ZDHHC11B: variants seen among roughly 807,000 people sequenced by gnomAD.
ZDHHC11B encodes zDHHC palmitoyltransferase 11B (putative).
ZDHHC11B carries 17 observed loss-of-function variants against 42.3 expected under a neutral mutation model. The observed-to-expected ratio is 0.40, with a 90% CI of 0.27 to 0.60. ZDHHC11B has a LOEUF of 0.60. ZDHHC11B is among the 20% of genes least tolerant of loss of function. ZDHHC11B has a pLI of 0.41. For missense variants in ZDHHC11B, 262 were observed against 463.2 expected, an observed-to-expected ratio of 0.57 and a Z score of 3.99; for synonymous variants, 123 against 193.5, an observed-to-expected ratio of 0.64 and a Z score of 3.02.
At chr5:774,959 C>T (rs766190297) in intron 1 of ZDHHC11B, among the ~76,000 whole-genome samples, 112 of 152,104 alleles carry the variant, frequency 7.4e-4, no homozygotes, top group Non-Finnish European at 1.4e-3. Flanking sequence ...GGTGGCTGAG[C>T]CTTGCTGGCA....
Position 766,755 on chromosome 5 carries a change from G to A in ZDHHC11B, c.165C>T (p.Ala55=), listed in dbSNP as rs1735454999. 2 of 1,612,340 alleles carry A rather than the reference G, an allele frequency of 1.2e-6. No individual in the cohort carries two copies. Among genetic ancestry groups the A allele is most frequent in the East Asian group, 2.2e-5 (1 of 44,848 alleles). The change falls in exon 4 of 14, where the codon GCC becomes GCT. Residue 55 remains alanine (A), a synonymous_variant. Coordinates refer to ENST00000508859, the MANE Select transcript of ZDHHC11B (RefSeq NM_001351303.2). ...GGAGGGGAATGAAGATCCTGAAGGT[G>A]GCCAAGGAAAGGCCAACGAAGACAG... ...TWAVFVGLSL[A]TFRIFIPLLP... is the part of the protein sequence containing the mutation.
chr5:764,829 G>T (rs1735067631), intron 4 of ZDHHC11B, among the ~76,000 whole-genome samples: 1 of 151,900 alleles, frequency 6.6e-6, no homozygotes, highest in Non-Finnish European at 1.5e-5. Flanking sequence ...CCTGAGTCTA[G>T]TGGGGACTTG....
At chr5:776,963 G>A (rs1173113572) in intron 1 of ZDHHC11B, among the ~76,000 whole-genome samples, 1 of 151,922 alleles carries the variant, frequency 6.6e-6, no homozygotes, top group Admixed American at 6.6e-5. Context: ...GGCAGGCAGA[G>A]CTCCCAATCA....
chr5:776,724 C>A (rs1278633875), intron 1 of ZDHHC11B, among the ~76,000 whole-genome samples: 1 of 151,980 alleles, frequency 6.6e-6, no homozygotes, highest in Non-Finnish European at 1.5e-5. Flanking sequence ...CACCAAGGGG[C>A]CTTCTAGGAC....
At chr5:754,523 G>T (rs1326821586) in intron 6 of ZDHHC11B, among the ~76,000 whole-genome samples, 425 of 125,084 alleles carry the variant, frequency 3.4e-3, no homozygotes, top group Middle Eastern at 9.3e-3. Context: ...CCGTGCTCAG[G>T]GGAAACACCT....
At chr5:778,178 C>A (rs193122086) in intron 1 of ZDHHC11B, among the ~76,000 whole-genome samples, 1 of 151,794 alleles carries the variant, frequency 6.6e-6, no homozygotes, top group Non-Finnish European at 1.5e-5. Flanking sequence ...CCAGCCAGTG[C>A]CCACCACCCG....
chr5:744,944 G>A (rs1007693301), intron 9 of ZDHHC11B, among the ~76,000 whole-genome samples: 3 of 147,382 alleles, frequency 2.0e-5, no homozygotes, highest in African/African-American at 7.4e-5. Flanking sequence ...ATGTCCAGGA[G>A]ACTCAGTTCC....
intron 10 of ZDHHC11B, among the ~76,000 whole-genome samples, chr5:736,056 T>C (rs1743479352): frequency 6.7e-6 from 1 of 149,466 alleles, no homozygotes; most frequent in East Asian, 2.0e-4. Context: ...CAACCAAGTA[T>C]CTGCTGTCTT....
chr5:722,373 C>T (rs1742255211), intron 12 of ZDHHC11B, among the ~76,000 whole-genome samples: 2 of 151,420 alleles, frequency 1.3e-5, no homozygotes, highest in African/African-American at 2.4e-5. Context: ...CACAAAGAGT[C>T]CAGTGGAAAA....
intron 10 of ZDHHC11B, among the ~76,000 whole-genome samples, chr5:737,524 C>T (rs1743673920): frequency 6.7e-6 from 1 of 149,222 alleles, no homozygotes; most frequent in African/African-American, 2.5e-5. Context: ...ACCAATATCC[C>T]TCATGAATAT....
chr5:778,526 C>G (rs1249224203), intron 1 of ZDHHC11B, among the ~76,000 whole-genome samples: 10 of 151,466 alleles, frequency 6.6e-5, no homozygotes, highest in African/African-American at 2.4e-4. Flanking sequence ...CACTGAGTGC[C>G]AGACTCACGA....
intron 1 of ZDHHC11B, among the ~76,000 whole-genome samples, chr5:776,160 T>G (rs1736462229): frequency 6.6e-6 from 1 of 151,102 alleles, no homozygotes; most frequent in Non-Finnish European, 1.5e-5. Context: ...TGGAGACTGT[T>G]GTCATTAAAC....
intron 12 of ZDHHC11B, among the ~76,000 whole-genome samples, chr5:725,310 C>CCGGAA: frequency 6.9e-6 from 1 of 144,392 alleles, no homozygotes; most frequent in African/African-American, 2.6e-5. Context: ...GTCGGAGAAC[C>CCGGAA]GGGAAGGGGC....
chr5:751,380 G>GT (rs1745650126), intron 6 of ZDHHC11B, 123 bp from the exon 7 acceptor site: 2 of 162,054 alleles, frequency 1.2e-5, no homozygotes, highest in African/African-American at 5.3e-5. Flanking sequence ...GGGCGTGGGG[G>GT]GCACAGCGGC....
At chr5:771,556 G>T (rs1487782713) in intron 1 of ZDHHC11B, among the ~76,000 whole-genome samples, 7 of 151,542 alleles carry the variant, frequency 4.6e-5, no homozygotes. Flanking sequence ...GGGTGGAAAG[G>T]CTGGGTCAGG....
At chr5:779,649 A>G (rs1358672069) in intron 1 of ZDHHC11B, among the ~76,000 whole-genome samples, 2 of 148,768 alleles carry the variant, frequency 1.3e-5, no homozygotes, top group Non-Finnish European at 1.5e-5. Flanking sequence ...TCTGCATGCT[A>G]AAGGGCTGTC....
chr5:778,750 A>G (rs1183477452), intron 1 of ZDHHC11B, among the ~76,000 whole-genome samples: 1 of 151,880 alleles, frequency 6.6e-6, no homozygotes, highest in Admixed American at 6.6e-5. Flanking sequence ...CCTAAATCCA[A>G]TGGTGAGTGT....
chr5:741,406 AC>A lies in ZDHHC11B; in HGVS notation c.935+187del, dbSNP rs765839081. On this transcript the variant is annotated intron_variant, in intron 10 of 13. Coordinates refer to ENST00000508859, the MANE Select transcript of ZDHHC11B (RefSeq NM_001351303.2). ...TGTAGTTTCTGCAAGTAAGACAAGC[AC>A]ATCGAGATAGATAATTTGGTATAAT... 2.8e-4 allele frequency among the ~76,000 whole-genome samples: 42 copies of A among 147,742 alleles called. 2 individuals carry two copies. Among genetic ancestry groups the A allele is most frequent in the Non-Finnish European group, 4.9e-4 (33 of 67,098 alleles).
At position 745,223 on chromosome 5, in the gene ZDHHC11B, C is replaced by G. The variant is rs1331088870; in HGVS notation, c.860G>C (p.Arg287Thr). The G allele has an allele frequency of 6.2e-7, 1 of 1,606,258 alleles. No homozygotes were observed. Among genetic ancestry groups the G allele is most frequent in the African/African-American group, 1.3e-5 (1 of 74,182 alleles). Residue 287 changes from arginine to threonine, a missense_variant, in exon 9 of 14, where the codon AGG (arginine) becomes ACG (threonine). Arg to Thr is a moderately conservative substitution (Grantham distance 71, BLOSUM62 -1). Transcript: ENST00000508859. The part of the protein sequence containing the change: ...KEESSKHQAV[R>T]KDPYVQMDKG... ...GTCCATTTGCACGTATGGATCTTTC[C>G]TCACTGCTTGATGTTTTGAACTCTC...
Sources: gnomAD v4.1 joint callset for allele counts (sites outside exome capture counted in the v4.1 genomes callset) on GRCh38, gnomAD v4.1.1 for gene constraint, MANE v1.5 for transcripts, NCBI Gene and HGNC (gene_info 2026-07-23, HGNC 2026-07-21) for gene names.